BNC2: variants seen among roughly 807,000 people sequenced by gnomAD.
BNC2 encodes zinc finger protein basonuclin-2.
In BNC2, 20 loss-of-function variants were observed where a neutral mutation model predicts 76.3. The observed-to-expected ratio is 0.26, with a 90% CI of 0.18 to 0.38. BNC2 has a LOEUF of 0.38. Ranked by LOEUF, BNC2 falls within the 10% of genes least tolerant of loss-of-function variation. The pLI, the probability that BNC2 is intolerant of heterozygous loss-of-function variation, is 1.00. For synonymous variants in BNC2, 582 were observed against 514.8 expected (o/e 1.13, Z -1.77); for missense variants, 1,382 against 1,399.8 (o/e 0.99, Z 0.20).
At chr9:16,730,050 C>T (rs967409946) in intron 2 of BNC2, among the ~76,000 whole-genome samples, 4 of 151,862 alleles carry the variant, frequency 2.6e-5, no homozygotes, top group African/African-American at 9.7e-5. Context: ...GCCCCCACCC[C>T]GTTTTTTCTC....
At chr9:16,508,847 T>C (rs890772527) in intron 5 of BNC2, among the ~76,000 whole-genome samples, 7 of 147,944 alleles carry the variant, frequency 4.7e-5, no homozygotes, top group South Asian at 4.3e-4. Context: ...TTTTAGGACA[T>C]TGTCTTGCTC....
intron 5 of BNC2, chr9:16,475,948 T>C (rs1821919539): frequency 6.6e-6 from 1 of 152,182 alleles, no homozygotes; most frequent in Admixed American, 6.5e-5. Context: ...ATACACATGC[T>C]CCTAATTTAA....
In BNC2 at chr9:16,765,784, T is replaced by TTC. The variant is rs1454018285; in HGVS notation, c.4-27300_4-27299insGA. On this transcript the variant is annotated intron_variant, in intron 1 of 6. Coordinates refer to ENST00000380672, the MANE Select transcript of BNC2 (RefSeq NM_017637.6). Reference sequence around the variant, plus strand: ...TAGCACAACAGGGCACTCTCGTAATTTTTTTTTTTTTTTTTTTTCTGAGAC... The same window carrying TTC: ...TAGCACAACAGGGCACTCTCGTAATTTCTTTTTTTTTTTTTTTTTTCTGAGAC... Among the ~76,000 whole-genome samples, 128 of 106,410 alleles carry TTC rather than the reference T, an allele frequency of 1.2e-3. 1 individual carries two copies. Among genetic ancestry groups the TTC allele is most frequent in the East Asian group, 0.01 (31 of 3,082 alleles). The allele number at this position is 106,410 out of a possible 152,430, so 69.8% of individuals were successfully genotyped here.
At chr9:16,736,642 A>AT (rs1436553268) in intron 2 of BNC2, among the ~76,000 whole-genome samples, 3 of 151,140 alleles carry the variant, frequency 2.0e-5, no homozygotes, top group Admixed American at 6.6e-5. Context: ...TGCCTGGGTA[A>AT]TTTTTTTATT....
chr9:16,765,398 A>C (rs537514099), intron 1 of BNC2, among the ~76,000 whole-genome samples: 1 of 152,232 alleles, frequency 6.6e-6, no homozygotes, highest in African/African-American at 2.4e-5. Flanking sequence ...TGAAGGGATA[A>C]AAGCTAAATT....
At position 16,552,547 on chromosome 9, in the gene BNC2, G is replaced by T. The variant is rs1298675976; in HGVS notation, c.652C>A (p.Arg218=). The change falls in exon 5 of 7, where the codon CGA becomes AGA. Residue 218 remains arginine, a synonymous_variant. Transcript: ENST00000380672. ...GLGWTLRDYV[R]GYILQDAAGK... Reference sequence around the variant, plus strand: ...CTCCCTACCTGAAGGATGTATCCTCGGACATAGTCCCGCAGAGTCCAGCCA... The same window carrying T: ...CTCCCTACCTGAAGGATGTATCCTCTGACATAGTCCCGCAGAGTCCAGCCA... 1.2e-6 allele frequency: 2 copies of T among 1,614,160 alleles called. No individual in the cohort carries two copies. Among genetic ancestry groups the T allele is most frequent in the Admixed American group, 1.7e-5 (1 of 60,026 alleles).
intron 2 of BNC2, among the ~76,000 whole-genome samples, chr9:16,737,238 C>CTTT (rs559930240): frequency 2.2e-4 from 20 of 91,308 alleles, no homozygotes; most frequent in African/African-American, 6.0e-4. Context: ...CACACCTGGC[C>CTTT]TTTTTTTTTT....
intron 5 of BNC2, among the ~76,000 whole-genome samples, chr9:16,443,501 A>G (rs1014948963): frequency 4.6e-5 from 7 of 151,638 alleles, no homozygotes; most frequent in Non-Finnish European, 2.9e-5. Flanking sequence ...TACCTAGCTT[A>G]AGTATTCCAT....
At chr9:16,553,105 T>A (rs1406341159) in intron 4 of BNC2, among the ~76,000 whole-genome samples, 2 of 152,162 alleles carry the variant, frequency 1.3e-5, no homozygotes, top group African/African-American at 4.8e-5. Flanking sequence ...TTAACTGAAC[T>A]GTGTTTCAAC....
At chr9:16,853,613 T>C (rs978802677) in intron 1 of BNC2, among the ~76,000 whole-genome samples, 2 of 152,076 alleles carry the variant, frequency 1.3e-5, no homozygotes, top group Non-Finnish European at 2.9e-5. Context: ...GCGCCTGCAA[T>C]CCCACCACTT....
At chr9:16,761,389 A>C (rs1825548123) in intron 1 of BNC2, among the ~76,000 whole-genome samples, 1 of 152,204 alleles carries the variant, frequency 6.6e-6, no homozygotes, top group African/African-American at 2.4e-5. Context: ...AAAAACTAAT[A>C]TTATACCTAT....
intron 3 of BNC2, among the ~76,000 whole-genome samples, chr9:16,670,953 C>G (rs983979710): frequency 6.6e-5 from 10 of 152,160 alleles, no homozygotes; most frequent in African/African-American, 2.4e-4. Context: ...CCTGAGCTTG[C>G]CCCACCTGAG....
intron 5 of BNC2, among the ~76,000 whole-genome samples, chr9:16,463,215 C>T (rs1241201356): frequency 6.6e-6 from 1 of 151,450 alleles, no homozygotes; most frequent in Non-Finnish European, 1.5e-5. Flanking sequence ...AATGACAGCA[C>T]GTTCTGACAA....
At chr9:16,678,578 T>C (rs1822728255) in intron 3 of BNC2, among the ~76,000 whole-genome samples, 1 of 151,700 alleles carries the variant, frequency 6.6e-6, no homozygotes, top group South Asian at 2.1e-4. Flanking sequence ...ATCTGTTTTC[T>C]GACAGAGGTA....
chr9:16,650,569 C>T (rs1049759421), intron 3 of BNC2, among the ~76,000 whole-genome samples: 33 of 151,764 alleles, frequency 2.2e-4, no homozygotes, highest in African/African-American at 7.5e-4. Flanking sequence ...TTTTTTTACA[C>T]AGTAGACTAA....
chr9:16,769,932 G>C (rs904024058), intron 1 of BNC2, among the ~76,000 whole-genome samples: 1 of 152,096 alleles, frequency 6.6e-6, no homozygotes, highest in Non-Finnish European at 1.5e-5. Flanking sequence ...GAGCCCTCCG[G>C]AATTACAGAG....
intron 3 of BNC2, among the ~76,000 whole-genome samples, chr9:16,674,514 T>C (rs1822578452): frequency 1.3e-5 from 2 of 152,216 alleles, no homozygotes; most frequent in African/African-American, 2.4e-5. Flanking sequence ...AGTCTCAGTG[T>C]AGGGAAGAAG....
At chr9:16,511,214 A>C (rs1822746878) in intron 5 of BNC2, among the ~76,000 whole-genome samples, 1 of 149,314 alleles carries the variant, frequency 6.7e-6, no homozygotes, top group Non-Finnish European at 1.5e-5. Flanking sequence ...GGCTCACAGG[A>C]TCCTTCCACC....
At chr9:16,572,805 C>A (rs1019671982) in intron 4 of BNC2, among the ~76,000 whole-genome samples, 2 of 152,060 alleles carry the variant, frequency 1.3e-5, no homozygotes, top group African/African-American at 4.8e-5. Flanking sequence ...GGGACAAGAG[C>A]CTGGATTTAG....
Sources: gnomAD v4.1 joint callset for allele counts (sites outside exome capture counted in the v4.1 genomes callset) on GRCh38, gnomAD v4.1.1 for gene constraint, MANE v1.5 for transcripts, NCBI Gene and HGNC (gene_info 2026-07-23, HGNC 2026-07-21) for gene names.